LRP2: variants seen among roughly 807,000 people sequenced by gnomAD.
LRP2 encodes the protein LDL receptor related protein 2.
LRP2 carries 172 observed loss-of-function variants against 531.0 expected under a neutral mutation model. That is an observed-to-expected ratio of 0.32 (90% CI 0.29 to 0.37). The LOEUF (loss-of-function observed/expected upper bound fraction) is 0.37, where lower values mean the gene tolerates loss of function less well. Among genes scored for constraint, LRP2 ranks in the 10% least tolerant of loss-of-function variants. LRP2 has a pLI of 1.00. For synonymous variants in LRP2, 1,992 were observed against 2,027.6 expected (o/e 0.98, Z 0.47); for missense variants, 5,167 against 5,868.3 (o/e 0.88, Z 3.90).
In LRP2 at chr2:169,283,001, T is replaced by G. The variant is rs757247913; in HGVS notation, c.1043A>C (p.Glu348Ala). 1.9e-6 allele frequency: 3 copies of G among 1,613,864 alleles called. No individual in the cohort carries two copies. The highest frequency in any genetic ancestry group is 2.7e-5 in the African/African-American group (2 of 74,914). Reference protein sequence around the residue: ...INHNDSRTCVEFDDCQIWGIC... With the variant: ...INHNDSRTCVAFDDCQIWGIC... ...TCCCCATATCTGGCAATCATCAAAC[T>G]CTGCCATATGGAAAATACACATTTG... Residue 348 changes from glutamate (E) to alanine (A), a missense_variant and splice_region_variant, in exon 10 of 79, where the codon GAG becomes GCG. Physicochemically the swap from Glu to Ala is moderately radical, Grantham distance 107. Transcript: ENST00000649046.
At position 169,237,144 on chromosome 2, in the gene LRP2, G is replaced by A. The variant is rs374823802; in HGVS notation, c.4650C>T (p.Asn1550=). ...ATGCTAGTCCTCTTGGATTTGTTAG[G>A]TTTTTACTAATCAGCACAGTCCTGT... The part of the protein sequence containing the change: ...GSHRTVLISK[N]LTNPRGLALD... The change falls in exon 28 of 79, where the codon AAC becomes AAT. Residue 1550 remains asparagine, a synonymous_variant. Transcript: ENST00000649046. The A allele has an allele frequency of 3.7e-6, 6 of 1,613,838 alleles. No individual in the cohort carries two copies. The highest frequency in any genetic ancestry group is 5.1e-6 in the Non-Finnish European group (6 of 1,179,922).
rs1291387748 is a variant in LRP2, at chr2:169,154,560, T to G, written c.12195A>C (p.Arg4065=). 3 of 1,613,602 alleles carry G rather than the reference T, an allele frequency of 1.9e-6. No individual in the cohort carries two copies. The South Asian group carries it at 3.3e-5, about 18-fold the overall frequency. The change falls in exon 66 of 79, where the codon CGA becomes CGC. Residue 4065 remains arginine (R), a synonymous_variant. Transcript: ENST00000649046. ...ACCTCTCAGATGAGAGATTATATTT[T>G]CGAATTCGGACATTGTCAGGCAGTA... The part of the protein sequence containing the change: ...LLLLPDNVRI[R]KYNLSSERFS...
intron 3 of LRP2, among the ~76,000 whole-genome samples, chr2:169,307,768 C>T (rs1008921447): frequency 6.6e-6 from 1 of 152,120 alleles, no homozygotes; most frequent in Non-Finnish European, 1.5e-5. Context: ...GGAAATATAC[C>T]AAAGCTTTAA....
At chr2:169,319,695 T>A (rs942235251) in intron 2 of LRP2, among the ~76,000 whole-genome samples, 1 of 152,166 alleles carries the variant, frequency 6.6e-6, no homozygotes, top group Non-Finnish European at 1.5e-5. Flanking sequence ...GTTTAGTCCC[T>A]TGTTCAAAGT....
chr2:169,172,087 G>A lies in LRP2; in HGVS notation c.11191C>T (p.His3731Tyr), dbSNP rs963258520. The A allele has an allele frequency of 6.2e-7, 1 of 1,614,160 alleles. No homozygotes were observed. Among genetic ancestry groups the A allele is most frequent in the Non-Finnish European group, 8.5e-7 (1 of 1,180,012 alleles). The change falls in exon 58 of 79, where the codon CAC (histidine) becomes TAC (tyrosine). Residue 3731 changes from histidine to tyrosine, a missense_variant. His to Tyr is a moderately conservative substitution (Grantham distance 83, BLOSUM62 2). Around this residue, in one of 6 missense-constraint regions of LRP2, gnomAD observed 311 missense variants for 309.4 expected, o/e 1.01. Transcript: ENST00000649046. Reference protein sequence around the residue: ...PVGDFRCKNHHCIPLRWQCDG... With the variant: ...PVGDFRCKNHYCIPLRWQCDG... ...CACTGCCAACGAAGAGGGATGCAGT[G>A]GTGATTTTTACAGCGGAAATCCCCC...
chr2:169,189,638 C>T (rs576995652), intron 48 of LRP2, among the ~76,000 whole-genome samples: 2 of 151,976 alleles, frequency 1.3e-5, no homozygotes, highest in Non-Finnish European at 2.9e-5. Flanking sequence ...AAAAGAAGGT[C>T]AATAGGAAAA....
chr2:169,129,286 T>C (rs910337403), intron 77 of LRP2, among the ~76,000 whole-genome samples: 3 of 152,212 alleles, frequency 2.0e-5, no homozygotes, highest in Admixed American at 6.5e-5. Flanking sequence ...TGGGCTCTTT[T>C]AATCGAATGG....
intron 1 of LRP2, among the ~76,000 whole-genome samples, chr2:169,325,097 T>C (rs1390937831): frequency 6.6e-6 from 1 of 151,286 alleles, no homozygotes; most frequent in African/African-American, 2.4e-5. Flanking sequence ...CATTGAGTCA[T>C]ATTAATAGCA....
intron 3 of LRP2, among the ~76,000 whole-genome samples, chr2:169,308,397 A>T (rs1170830135): frequency 6.6e-6 from 1 of 151,856 alleles, no homozygotes; most frequent in Admixed American, 6.6e-5. Context: ...GACAGGACCC[A>T]GTTTGTGATG....
chr2:169,231,895 A>G, intron 30 of LRP2, 53 bp from the exon 31 acceptor site: 1 of 1,601,888 alleles, frequency 6.2e-7, no homozygotes, highest in South Asian at 1.1e-5. Context: ...CCACATTAAA[A>G]TCAAAACAGA....
chr2:169,264,416 C>T (rs931801274), intron 16 of LRP2, among the ~76,000 whole-genome samples: 6 of 151,966 alleles, frequency 3.9e-5, no homozygotes, highest in Admixed American at 3.9e-4. Flanking sequence ...AAACCCAATA[C>T]TACCTTTTCC....
chr2:169,153,052 T>A, intron 66 of LRP2, 88 bp from the exon 67 acceptor site: 1 of 1,151,870 alleles, frequency 8.7e-7, no homozygotes, highest in Non-Finnish European at 1.3e-6. Context: ...GTACTGTTCG[T>A]TTATTGACAT....
intron 1 of LRP2, among the ~76,000 whole-genome samples, chr2:169,351,103 A>G (rs1685835020): frequency 6.6e-6 from 1 of 152,204 alleles, no homozygotes; most frequent in South Asian, 2.1e-4. Flanking sequence ...TTGAAAATCT[A>G]ACTAAGTGTT....
chr2:169,230,934 G>A (rs1689375209), intron 31 of LRP2, among the ~76,000 whole-genome samples: 1 of 152,134 alleles, frequency 6.6e-6, no homozygotes, highest in South Asian at 2.1e-4. Flanking sequence ...AATAGTAACA[G>A]TACTGAAATT....
intron 62 of LRP2, among the ~76,000 whole-genome samples, chr2:169,164,517 A>G (rs1686711905): frequency 6.6e-6 from 1 of 152,230 alleles, no homozygotes; most frequent in African/African-American, 2.4e-5. Context: ...ACTGGTTCTG[A>G]CCAATGGACT....
chr2:169,223,606 G>A (rs182201967), intron 33 of LRP2, among the ~76,000 whole-genome samples: 10 of 152,254 alleles, frequency 6.6e-5, no homozygotes, highest in Admixed American at 4.6e-4. Flanking sequence ...CTGGATTGCC[G>A]GAGTTGTAGT....
chr2:169,275,169 C>T lies in LRP2; in HGVS notation c.1842G>A (p.Val614=), dbSNP rs745640894. The T allele has an allele frequency of 5.0e-6, 8 of 1,613,844 alleles. No homozygotes were observed. Among genetic ancestry groups the T allele is most frequent in the Middle Eastern group, 1.7e-4 (1 of 6,060 alleles). The part of the protein sequence containing the change: ...PFGVSLFEGQ[V]FFTDWTKMAV... Reference sequence around the variant, plus strand: ...CCATCTTTGTCCAATCTGTAAAGAACACCTGACCTTCAAATAAGCTTACTC... The same window carrying T: ...CCATCTTTGTCCAATCTGTAAAGAATACCTGACCTTCAAATAAGCTTACTC... The change falls in exon 14 of 79, where the codon GTG becomes GTA. Residue 614 remains valine (V), a synonymous_variant. Coordinates refer to ENST00000649046, the MANE Select transcript of LRP2 (RefSeq NM_004525.3).
chr2:169,323,063 T>C (rs925362558), intron 1 of LRP2, among the ~76,000 whole-genome samples: 8 of 152,148 alleles, frequency 5.3e-5, no homozygotes, highest in South Asian at 2.1e-4. Context: ...TCAAAAGTCA[T>C]TTTATAAAAC....
intron 62 of LRP2, among the ~76,000 whole-genome samples, chr2:169,163,353 A>G (rs1056951533): frequency 6.6e-6 from 1 of 152,208 alleles, no homozygotes; most frequent in Non-Finnish European, 1.5e-5. Flanking sequence ...CAGAAATAAA[A>G]TAAAGCCCAG....
Sources: allele counts gnomAD v4.1 joint callset (sites outside exome capture counted in the v4.1 genomes callset), GRCh38; gene constraint gnomAD v4.1.1; regional missense constraint gnomAD v4.1.1; transcripts MANE v1.5; gene names NCBI Gene and HGNC (gene_info 2026-07-23, HGNC 2026-07-21).